The following WNT5B variants were observed in gnomAD, a reference collection of about 807,000 sequenced individuals.
WNT5B encodes the protein protein Wnt-5b.
In WNT5B, 18 loss-of-function variants were observed where a neutral mutation model predicts 36.5. That is an observed-to-expected ratio of 0.49 (90% CI 0.34 to 0.73). The LOEUF (loss-of-function observed/expected upper bound fraction) is 0.73, where lower values mean the gene tolerates loss of function less well. Ranked by LOEUF, WNT5B falls within the 30% of genes least tolerant of loss-of-function variation. The pLI, the probability that WNT5B is intolerant of heterozygous loss-of-function variation, is 0.01. For missense variants in WNT5B, 424 were observed against 508.4 expected, an observed-to-expected ratio of 0.83 and a Z score of 1.60; for synonymous variants, 213 against 212.3, an observed-to-expected ratio of 1.00 and a Z score of -0.03.
At chr12:1,622,759 C>T (rs986652582) in intron 1 of WNT5B, among the ~76,000 whole-genome samples, 2 of 152,166 alleles carry the variant, frequency 1.3e-5, no homozygotes, top group East Asian at 1.9e-4. Flanking sequence ...TAAATAAGAC[C>T]GTTTCCAGAG....
At chr12:1,635,700 G>T (rs771293775) in intron 3 of WNT5B, among the ~76,000 whole-genome samples, 4 of 152,184 alleles carry the variant, frequency 2.6e-5, no homozygotes, top group Non-Finnish European at 5.9e-5. Flanking sequence ...TTAAGGAGAT[G>T]AATTCCTCAA....
intron 3 of WNT5B, among the ~76,000 whole-genome samples, chr12:1,634,945 C>CT (rs1555158701): frequency 3.3e-5 from 5 of 152,036 alleles, no homozygotes; most frequent in Non-Finnish European, 7.4e-5. Flanking sequence ...CTCACGGCTG[C>CT]TTTTTTTTAG....
At chr12:1,623,479 G>A (rs1020538291) in intron 1 of WNT5B, among the ~76,000 whole-genome samples, 3 of 152,112 alleles carry the variant, frequency 2.0e-5, no homozygotes, top group African/African-American at 7.2e-5. Context: ...ACAGGCTTGA[G>A]CCACCGCGCC....
At position 1,630,850 on chromosome 12, in the gene WNT5B, T is replaced by A. The variant is rs891756418; in HGVS notation, c.-57-448T>A. ...TGTTTTAATCCTACAAAGGAGAGCC[T>A]GAGGGTCAGAGAAATAAGTCTCTGG... On this transcript the variant is annotated intron_variant, in intron 1 of 4. Coordinates refer to ENST00000397196, the MANE Select transcript of WNT5B (RefSeq NM_032642.3). This position sits in a 1 kb window ranked among gnomAD's most constrained non-coding sequence, Gnocchi z 5.3. 7 of 154,124 alleles carry A rather than the reference T, an allele frequency of 4.5e-5. No individual in the cohort carries two copies. The highest frequency in any genetic ancestry group is 1.4e-4 in the African/African-American group (6 of 41,560). 9.5% of individuals were successfully genotyped at this position (154,124 alleles called of 1,614,324 possible). A position where few individuals can be genotyped will look rare whatever the true frequency, so the allele number is the denominator to read the frequency against.
rs2094550407 is a variant in WNT5B, at chr12:1,631,358, C to T, written c.4C>T (p.Pro2Ser). The stretch of plus-strand genomic sequence containing the variant: ...CTGGGGAGGGCTGAGGCCGACCATG[C>T]CCAGCCTGCTGCTGCTGTTCACGGC... M[P>S]SLLLLFTAAL... Residue 2 changes from proline (P) to serine (S), a missense_variant, in exon 2 of 5, where the codon CCC becomes TCC. Coordinates refer to ENST00000397196, the MANE Select transcript of WNT5B (RefSeq NM_032642.3). 1 of 1,614,026 alleles carries T rather than the reference C, an allele frequency of 6.2e-7. No individual in the cohort carries two copies. The highest frequency in any genetic ancestry group is 1.7e-5 in the Admixed American group (1 of 60,006).
chr12:1,632,610 A>G lies in WNT5B; in HGVS notation c.81-48A>G, dbSNP rs745842193. 7 of 1,562,246 alleles carry G rather than the reference A, an allele frequency of 4.5e-6. No homozygotes were observed. The highest frequency in any genetic ancestry group is 5.2e-6 in the Non-Finnish European group (6 of 1,147,706). ...ATGACTTAATGCTGCACACAGGCGT[A>G]TGCTCACTCCTGGGCCTTTTTTTCC... On this transcript the variant is annotated intron_variant, in intron 2 of 4. Coordinates refer to ENST00000397196, the MANE Select transcript of WNT5B (RefSeq NM_032642.3). This position sits in a 1 kb window ranked among gnomAD's most constrained non-coding sequence, Gnocchi z 5.8.
intron 1 of WNT5B, among the ~76,000 whole-genome samples, chr12:1,622,721 ACTATC>A (rs1348516256): frequency 6.6e-6 from 1 of 152,206 alleles, no homozygotes; most frequent in Non-Finnish European, 1.5e-5. Context: ...ACCCCTGTGT[ACTATC>A]CTATCCACTG....
In WNT5B at chr12:1,631,380, C is replaced by A; in HGVS notation, c.26C>A (p.Thr9Lys). 6.2e-7 allele frequency: 1 copy of A among 1,614,144 alleles called. No homozygotes were observed. Among genetic ancestry groups the A allele is most frequent in the Non-Finnish European group, 8.5e-7 (1 of 1,180,018 alleles). The stretch of plus-strand genomic sequence containing the variant: ...ATGCCCAGCCTGCTGCTGCTGTTCA[C>A]GGCTGCTCTGCTGTCCAGCTGGGCT... MPSLLLLFTAALLSSWAQL... is the reference protein window; with the variant it reads MPSLLLLFKAALLSSWAQL... Residue 9 changes from threonine (T) to lysine (K), a missense_variant, in exon 2 of 5, where the codon ACG becomes AAG. Transcript: ENST00000397196.
chr12:1,626,399 G>T (rs1052885570), upstream of WNT5B, among the ~76,000 whole-genome samples: 18 of 151,838 alleles, frequency 1.2e-4, no homozygotes, highest in African/African-American at 4.4e-4. Context: ...GAGTAGCTGG[G>T]ATTACAGGTA....
rs2094530069 is a variant in WNT5B, at chr12:1,618,743, T to C, written c.-58+1600T>C. On this transcript the variant is annotated intron_variant, in intron 1 of 4. Transcript: ENST00000310594. This position sits in a 1 kb window ranked among gnomAD's most constrained non-coding sequence, Gnocchi z 4.1. ...GTGCTTTTCCAAGTAAGATGAGTCA[T>C]CTGAGATCTGCCATTTCTGGGAATT... Among the ~76,000 whole-genome samples the C allele has an allele frequency of 6.6e-6, 1 of 152,224 alleles. No homozygotes were observed. Among genetic ancestry groups the C allele is most frequent in the African/African-American group, 2.4e-5 (1 of 41,470 alleles).
intron 1 of WNT5B, among the ~76,000 whole-genome samples, chr12:1,623,258 C>T (rs1304807306): frequency 3.1e-5 from 4 of 128,896 alleles, no homozygotes; most frequent in African/African-American, 1.2e-4. Flanking sequence ...TGCAGTGGCA[C>T]AGTCTCGGCT....
intron 1 of WNT5B, among the ~76,000 whole-genome samples, chr12:1,623,451 T>C (rs1200933822): frequency 6.6e-6 from 1 of 152,016 alleles, no homozygotes; most frequent in Admixed American, 6.6e-5. Context: ...CGCCTCGGCC[T>C]CCCAAAGTGC....
At chr12:1,626,129 T>C (rs746756748), upstream of WNT5B, among the ~76,000 whole-genome samples, 1 of 151,752 alleles carries the variant, frequency 6.6e-6, no homozygotes, top group Admixed American at 6.6e-5. Context: ...CGGCTAACTT[T>C]AGATTTTTTT....
chr12:1,621,956 G>T (rs940435386), intron 1 of WNT5B, among the ~76,000 whole-genome samples: 2 of 152,134 alleles, frequency 1.3e-5, no homozygotes, highest in African/African-American at 4.8e-5. Context: ...TCTTCGAAAA[G>T]CACCTTGAAA....
chr12:1,620,799 G>C (rs1293615051), intron 1 of WNT5B, among the ~76,000 whole-genome samples: 1 of 151,356 alleles, frequency 6.6e-6, no homozygotes, highest in African/African-American at 2.4e-5. Context: ...CACCTCCCGG[G>C]TTCAAGCGAT....
chr12:1,621,020 A>G (rs564342002), intron 1 of WNT5B, among the ~76,000 whole-genome samples: 21 of 1,208 alleles, frequency 0.017, no homozygotes, highest in Non-Finnish European at 9.2e-3. Flanking sequence ...TGAAAGTTAG[A>G]GAACTGCCAT....
upstream of WNT5B, among the ~76,000 whole-genome samples, chr12:1,626,008 T>C (rs1191211280): frequency 6.7e-6 from 1 of 148,410 alleles, no homozygotes; most frequent in African/African-American, 2.5e-5. Flanking sequence ...AGGCAGGGTC[T>C]CAATCTGTCA....
intron 1 of WNT5B, among the ~76,000 whole-genome samples, chr12:1,622,406 T>C (rs2094535246): frequency 1.3e-5 from 2 of 152,206 alleles, no homozygotes; most frequent in Admixed American, 1.3e-4. Context: ...CATTATCTTA[T>C]TAAGCAGTGC....
chr12:1,641,346 A>G (rs971023086), intron 4 of WNT5B, among the ~76,000 whole-genome samples: 3 of 148,956 alleles, frequency 2.0e-5, no homozygotes, highest in Non-Finnish European at 4.4e-5. Flanking sequence ...AGATCACACC[A>G]TTGCACTCCA....
Sources: allele counts gnomAD v4.1 joint callset (sites outside exome capture counted in the v4.1 genomes callset), GRCh38; gene constraint gnomAD v4.1.1; non-coding constraint Gnocchi (gnomAD v3.1); transcripts MANE v1.5; gene names NCBI Gene and HGNC (gene_info 2026-07-23, HGNC 2026-07-21).